The following NBEA variants were observed in gnomAD, a reference collection of about 807,000 sequenced individuals.
NBEA encodes the protein neurobeachin.
NBEA carries 44 observed loss-of-function variants against 343.4 expected under a neutral mutation model. The observed-to-expected ratio is 0.13, with a 90% CI of 0.10 to 0.16. The LOEUF is 0.16. Among genes scored for constraint, NBEA ranks in the 10% least tolerant of loss-of-function variants. NBEA has a pLI of 1.00. For missense variants in NBEA, 2,555 were observed against 3,631.3 expected (o/e 0.70, Z 7.62); for synonymous variants, 1,175 against 1,238.7 (o/e 0.95, Z 1.08).
intron 10 of NBEA, among the ~76,000 whole-genome samples, chr13:35,094,357 C>A (rs2065229694): frequency 6.6e-6 from 1 of 152,058 alleles, no homozygotes; most frequent in Non-Finnish European, 1.5e-5. Flanking sequence ...CTTATGTATC[C>A]ATCTGTCCTT....
chr13:35,206,395 TA>T (rs1340378320), intron 31 of NBEA, among the ~76,000 whole-genome samples: 2 of 152,138 alleles, frequency 1.3e-5, no homozygotes, highest in Non-Finnish European at 2.9e-5. Context: ...TCTGCTGTTC[TA>T]AAAAAATCAT....
At chr13:35,598,017 C>T (rs1172131648) in intron 47 of NBEA, among the ~76,000 whole-genome samples, 1 of 152,134 alleles carries the variant, frequency 6.6e-6, no homozygotes, top group Non-Finnish European at 1.5e-5. Context: ...GTAAAATATA[C>T]TCAACTTGTT....
intron 48 of NBEA, 121 bp downstream of exon 48, chr13:35,606,699 C>A: frequency 1.3e-6 from 1 of 770,642 alleles, no homozygotes; most frequent in Non-Finnish European, 1.8e-6. Flanking sequence ...TAAATACAAG[C>A]TTAAAATTTT....
At chr13:35,008,494 G>A (rs528801040) in intron 1 of NBEA, among the ~76,000 whole-genome samples, 1 of 152,062 alleles carries the variant, frequency 6.6e-6, no homozygotes, top group Non-Finnish European at 1.5e-5. Flanking sequence ...AAATGTTTGT[G>A]TATGTTCATT....
intron 1 of NBEA, among the ~76,000 whole-genome samples, chr13:34,944,911 C>T (rs1166868113): frequency 6.7e-6 from 1 of 149,208 alleles, no homozygotes. Context: ...TTGGACTCTG[C>T]AGCAGTAGCA....
At chr13:35,507,160 T>C (rs897973335) in intron 41 of NBEA, among the ~76,000 whole-genome samples, 1 of 152,152 alleles carries the variant, frequency 6.6e-6, no homozygotes, top group Non-Finnish European at 1.5e-5. Context: ...TATCATACCC[T>C]CATCCTGAAT....
intron 41 of NBEA, among the ~76,000 whole-genome samples, chr13:35,538,102 A>G (rs1366258115): frequency 2.6e-5 from 4 of 152,160 alleles, no homozygotes; most frequent in African/African-American, 9.7e-5. Flanking sequence ...CCCTACTTAG[A>G]TAACCGCAGG....
At chr13:35,487,263 CTA>C (rs1455590820) in intron 41 of NBEA, among the ~76,000 whole-genome samples, 3 of 151,764 alleles carry the variant, frequency 2.0e-5, no homozygotes, top group East Asian at 1.9e-4. Flanking sequence ...TATATAAAGA[CTA>C]TTTTATGTAC....
At chr13:35,495,816 G>A (rs1056008382) in intron 41 of NBEA, among the ~76,000 whole-genome samples, 4 of 151,970 alleles carry the variant, frequency 2.6e-5, no homozygotes, top group Non-Finnish European at 5.9e-5. Flanking sequence ...TTGACACAAT[G>A]GAATTAAAAA....
intron 47 of NBEA, among the ~76,000 whole-genome samples, chr13:35,597,799 T>A (rs185998967): frequency 1.4e-4 from 21 of 152,240 alleles, no homozygotes; most frequent in Admixed American, 1.2e-3. Flanking sequence ...TCACATCATG[T>A]TACTTCCACA....
intron 30 of NBEA, among the ~76,000 whole-genome samples, chr13:35,190,845 C>G (rs552895194): frequency 6.6e-6 from 1 of 152,206 alleles, no homozygotes; most frequent in East Asian, 1.9e-4. Flanking sequence ...TTTAAACCAG[C>G]TATTTTACAT....
intron 35 of NBEA, among the ~76,000 whole-genome samples, chr13:35,304,623 T>C (rs1425180193): frequency 2.0e-5 from 3 of 152,170 alleles, no homozygotes; most frequent in African/African-American, 7.2e-5. Flanking sequence ...AGAATCTCTC[T>C]CTGTAGGCTG....
chr13:35,267,376 A>G (rs887244688), intron 34 of NBEA, among the ~76,000 whole-genome samples: 11 of 151,998 alleles, frequency 7.2e-5, no homozygotes, highest in African/African-American at 2.4e-4. Flanking sequence ...AAAATATACA[A>G]TTTTATCTGT....
chr13:35,334,939 T>A (rs1003437156), intron 36 of NBEA, among the ~76,000 whole-genome samples: 3 of 152,208 alleles, frequency 2.0e-5, no homozygotes, highest in African/African-American at 7.2e-5. Context: ...CTGACCAGTA[T>A]CCTGGAGATT....
intron 44 of NBEA, among the ~76,000 whole-genome samples, chr13:35,566,356 A>G (rs2080138014): frequency 6.9e-6 from 1 of 144,438 alleles, no homozygotes; most frequent in African/African-American, 2.6e-5. Context: ...GGGAGACACC[A>G]TCTCAAAATA....
At position 35,550,529 on chromosome 13, in the gene NBEA, G is replaced by A; in HGVS notation, c.6638G>A (p.Arg2213Gln). 2 of 1,613,328 alleles carry A rather than the reference G, an allele frequency of 1.2e-6. No homozygotes were observed. The highest frequency in any genetic ancestry group is 1.7e-6 in the Non-Finnish European group (2 of 1,179,504). The change falls in exon 42 of 59, where the codon CGA becomes CAA. Residue 2213 changes from arginine to glutamine, a missense_variant. Physicochemically the swap from Arg to Gln is conservative, Grantham distance 43 (BLOSUM62 1). Around this residue, in one of 21 missense-constraint regions of NBEA, gnomAD observed 246 missense variants for 313.7 expected, o/e 0.78. Transcript: ENST00000379939. ...LHGKWMFSEI[R>Q]AVFSRRYLLQ... Reference sequence around the variant, plus strand: ...GGAAAATGGATGTTCAGCGAGATACGAGCTGTATTTTCAAGACGTTACCTT... The same window carrying A: ...GGAAAATGGATGTTCAGCGAGATACAAGCTGTATTTTCAAGACGTTACCTT...
At chr13:35,623,009 T>G (rs1386507359) in intron 48 of NBEA, among the ~76,000 whole-genome samples, 1 of 152,158 alleles carries the variant, frequency 6.6e-6, no homozygotes, top group African/African-American at 2.4e-5. Context: ...CCTCTCTAGT[T>G]TAAATATCAC....
At chr13:35,530,350 C>T (rs2078199237) in intron 41 of NBEA, among the ~76,000 whole-genome samples, 1 of 152,202 alleles carries the variant, frequency 6.6e-6, no homozygotes, top group South Asian at 2.1e-4. Context: ...GGCCTGTCCC[C>T]AGTGCTTGTC....
chr13:35,639,626 A>G (rs980661822), intron 49 of NBEA, among the ~76,000 whole-genome samples: 3 of 152,196 alleles, frequency 2.0e-5, no homozygotes, highest in Non-Finnish European at 2.9e-5. Flanking sequence ...ATACAGTGAG[A>G]TAAACAAAAT....
Sources: allele counts gnomAD v4.1 joint callset (sites outside exome capture counted in the v4.1 genomes callset), GRCh38; gene constraint gnomAD v4.1.1; regional missense constraint gnomAD v4.1.1; transcripts MANE v1.5; gene names NCBI Gene and HGNC (gene_info 2026-07-23, HGNC 2026-07-21).